Variants in RGPD6 observed in about 807,000 individuals in gnomAD.
The protein encoded by RGPD6 is RANBP2-like and GRIP domain-containing protein 5/6.
the RGPD6 span, among the ~76,000 whole-genome samples, chr2:110,605,225 C>A: frequency 5.3e-5 from 8 of 151,948 alleles, no homozygotes; most frequent in South Asian, 2.1e-4. Context: ...GGCTGATGAG[C>A]AGCCCCTTCC....
At chr2:110,606,678 T>C in the RGPD6 span, among the ~76,000 whole-genome samples, 2 of 144,294 alleles carry the variant, frequency 1.4e-5, no homozygotes, top group South Asian at 2.3e-4. Flanking sequence ...AATGATCTTT[T>C]AGAGACACCA....
the RGPD6 span, among the ~76,000 whole-genome samples, chr2:110,605,904 A>G: frequency 6.6e-6 from 1 of 151,208 alleles, no homozygotes; most frequent in Non-Finnish European, 1.5e-5. Context: ...CCACCCCACC[A>G]TGAATATCTT....
chr2:110,604,351 G>A, the RGPD6 span, among the ~76,000 whole-genome samples: 1 of 145,476 alleles, frequency 6.9e-6, no homozygotes, highest in Admixed American at 6.8e-5. Flanking sequence ...CAGAGCAATT[G>A]ACACTTTTAT....
At chr2:110,604,764 GTT>G in the RGPD6 span, among the ~76,000 whole-genome samples, 1 of 145,896 alleles carries the variant, frequency 6.9e-6, no homozygotes, top group South Asian at 2.2e-4. Flanking sequence ...ATATTGAGAG[GTT>G]TTTTTTTCTT....
At chr2:110,606,104 A>C in the RGPD6 span, among the ~76,000 whole-genome samples, 1 of 151,840 alleles carries the variant, frequency 6.6e-6, no homozygotes, top group Non-Finnish European at 1.5e-5. Flanking sequence ...AAAAGAAAAA[A>C]GAGAAAGAAA....
chr2:110,606,250 T>C, the RGPD6 span, among the ~76,000 whole-genome samples: 2 of 144,250 alleles, frequency 1.4e-5, no homozygotes, highest in Admixed American at 1.4e-4. Flanking sequence ...CTGGGGGTCA[T>C]GGTCTGAAGC....
the RGPD6 span, among the ~76,000 whole-genome samples, chr2:110,599,864 T>C: frequency 9.5e-6 from 1 of 105,664 alleles, no homozygotes; most frequent in Admixed American, 9.6e-5. Context: ...TATTCAAAGA[T>C]TAAACTCTAC....
chr2:110,606,157 G>A, the RGPD6 span, among the ~76,000 whole-genome samples: 52 of 151,374 alleles, frequency 3.4e-4, no homozygotes, highest in South Asian at 9.0e-3. Context: ...AGTAATAAGC[G>A]TTATTTCATG....
At chr2:110,576,905 C>CCCCG (rs1553511148) in intron 1 of RGPD6, 48 bp downstream of exon 1, 1 of 1,049,518 alleles carries the variant, frequency 9.5e-7, no homozygotes, top group Admixed American at 4.6e-5. Context: ...CCCCCCTCCC[C>CCCCG]CCCCGGCCGG....
At chr2:110,606,038 G>A in the RGPD6 span, among the ~76,000 whole-genome samples, 7 of 151,780 alleles carry the variant, frequency 4.6e-5, no homozygotes, top group Middle Eastern at 3.4e-3. Flanking sequence ...TTTGACCCCT[G>A]TACAGCAGGG....
the RGPD6 span, among the ~76,000 whole-genome samples, chr2:110,591,900 C>T: frequency 6.8e-6 from 1 of 147,932 alleles, no homozygotes; most frequent in African/African-American, 2.6e-5. Context: ...CCCTGGACTA[C>T]ACCACAGAAA....
the RGPD6 span, among the ~76,000 whole-genome samples, chr2:110,604,691 A>G: frequency 1.2e-3 from 179 of 151,136 alleles, 7 homozygotes; most frequent in East Asian, 0.028. Context: ...ATAAAAAAAA[A>G]AATCAAACAG....
the RGPD6 span, among the ~76,000 whole-genome samples, chr2:110,610,653 G>GGGCCGCCGC: frequency 7.4e-6 from 1 of 134,866 alleles, no homozygotes; most frequent in Non-Finnish European, 1.6e-5. Context: ...GAGGACGCGC[G>GGGCCGCCGC]GGCCGCCGCG....
At chr2:110,592,093 T>TGA in the RGPD6 span, among the ~76,000 whole-genome samples, 1 of 114,562 alleles carries the variant, frequency 8.7e-6, no homozygotes, top group African/African-American at 3.9e-5. Context: ...AGGGGCCACA[T>TGA]TACTTTTTCA....
chr2:110,605,360 G>A, the RGPD6 span, among the ~76,000 whole-genome samples: 1 of 150,914 alleles, frequency 6.6e-6, no homozygotes, highest in African/African-American at 2.5e-5. Flanking sequence ...TCAACTACAC[G>A]GTGACCTTCG....
the RGPD6 span, among the ~76,000 whole-genome samples, chr2:110,606,243 G>A: frequency 3.0e-3 from 439 of 145,078 alleles, no homozygotes; most frequent in Non-Finnish European, 3.9e-3. Flanking sequence ...TTTGTTACTG[G>A]GGGTCATGGT....
chr2:110,602,356 CA>C, the RGPD6 span, among the ~76,000 whole-genome samples: 2 of 75,518 alleles, frequency 2.6e-5, no homozygotes, highest in South Asian at 1.5e-3. Context: ...AATAATTCTG[CA>C]AATAGCTGAC....
chr2:110,593,546 TATAA>T, the RGPD6 span, among the ~76,000 whole-genome samples: 1 of 140,902 alleles, frequency 7.1e-6, no homozygotes, highest in South Asian at 2.3e-4. Flanking sequence ...TACATACTTA[TATAA>T]ATAATTATAT....
At chr2:110,600,459 A>G in the RGPD6 span, among the ~76,000 whole-genome samples, 1 of 11,918 alleles carries the variant, frequency 8.4e-5, no homozygotes, top group African/African-American at 3.0e-4. Flanking sequence ...AGTTTTGTAG[A>G]CGACTTTTTT....
Sources: gnomAD v4.1 joint callset for allele counts (sites outside exome capture counted in the v4.1 genomes callset) on GRCh38, gnomAD v4.1.1 for gene constraint, MANE v1.5 for transcripts, NCBI Gene and HGNC (gene_info 2026-07-23, HGNC 2026-07-21) for gene names.